Variants in TET2 observed in about 807,000 individuals in gnomAD.
TET2 encodes tet methylcytosine dioxygenase 2, also known as methylcytosine dioxygenase TET2.
A neutral mutation model predicts 142.9 loss-of-function variants in TET2; 299 were observed. That is an observed-to-expected ratio of 2.09 (90% CI 1.90 to 2.30). The LOEUF is 2.30. TET2 is among the 30% of genes most tolerant of loss of function. TET2 has a pLI of 0.00. For synonymous variants in TET2, 819 were observed against 849.0 expected, an observed-to-expected ratio of 0.96 and a Z score of 0.61; for missense variants, 2,418 against 2,378.0, an observed-to-expected ratio of 1.02 and a Z score of -0.35.
chr4:105,270,881 G>GAATTAA (rs1228774542), intron 9 of TET2, among the ~76,000 whole-genome samples: 1 of 152,110 alleles, frequency 6.6e-6, no homozygotes, highest in Non-Finnish European at 1.5e-5. Flanking sequence ...CAGATATCAG[G>GAATTAA]AATTAAAGTC....
At chr4:105,263,984 A>G (rs989496491) in intron 8 of TET2, among the ~76,000 whole-genome samples, 1 of 152,142 alleles carries the variant, frequency 6.6e-6, no homozygotes, top group Non-Finnish European at 1.5e-5. Context: ...CATTTACTTG[A>G]TAATATTAAA....
At chr4:105,197,625 A>G (rs1726170415) in intron 2 of TET2, among the ~76,000 whole-genome samples, 1 of 152,216 alleles carries the variant, frequency 6.6e-6, no homozygotes, top group African/African-American at 2.4e-5. Flanking sequence ...AAAGACTTCT[A>G]AGCTTTAGGT....
chr4:105,241,701 G>A (rs1343674416), intron 4 of TET2: 1 of 1,274,206 alleles, frequency 7.8e-7, no homozygotes, highest in Non-Finnish European at 1.0e-6. Flanking sequence ...GGCCAGCCAG[G>A]CTGCCAGCCA....
At position 105,235,532 on chromosome 4, in the gene TET2, G is replaced by A. The variant is rs1401545720; in HGVS notation, c.1590G>A (p.Gln530=). 4 of 1,614,040 alleles carry A rather than the reference G, an allele frequency of 2.5e-6. No homozygotes were observed. In the Admixed American group the frequency reaches 5.0e-5, roughly 20 times the overall value. ...GTGGAGAGCTACAGGACAACTGCCA[G>A]CAGTTGATGAGAAACAAAGAGCAAG... ...GSSGELQDNC[Q]QLMRNKEQEI... is the part of the protein sequence containing the mutation. The change falls in exon 3 of 11, where the codon CAG becomes CAA. Residue 530 remains glutamine (Q), a synonymous_variant. Coordinates refer to ENST00000380013, the MANE Select transcript of TET2 (RefSeq NM_001127208.3).
chr4:105,246,331 T>C (rs1729581941), intron 6 of TET2, among the ~76,000 whole-genome samples: 1 of 152,262 alleles, frequency 6.6e-6, no homozygotes, highest in African/African-American at 2.4e-5. Flanking sequence ...TGAAAAATAG[T>C]TGGACCAGAG....
chr4:105,237,817 T>C (rs1279537982), intron 3 of TET2: 35 of 1,111,472 alleles, frequency 3.1e-5, no homozygotes, highest in Non-Finnish European at 3.7e-5. Context: ...AGGGAAATTA[T>C]TATCTTCAGT....
intron 3 of TET2, chr4:105,241,071 A>ATTTG: frequency 9.3e-7 from 1 of 1,080,432 alleles, no homozygotes; most frequent in South Asian, 4.2e-5. Flanking sequence ...TTCTTTGTTT[A>ATTTG]GTTTCATTTA....
chr4:105,204,232 TATACACACACACACAC>T (rs1726668371), intron 2 of TET2, among the ~76,000 whole-genome samples: 1 of 107,708 alleles, frequency 9.3e-6, no homozygotes, highest in Non-Finnish European at 1.9e-5. Flanking sequence ...AAAAAAAATA[TATACACACACACACAC>T]ACACACACAC....
chr4:105,278,745 A>C lies in TET2; in HGVS notation c.*2226A>C, dbSNP rs1731331790. 2 of 232,866 alleles carry C rather than the reference A, an allele frequency of 8.6e-6. No homozygotes were observed. Among genetic ancestry groups the C allele is most frequent in the African/African-American group, 4.4e-5 (2 of 45,294 alleles). 14.4% of individuals were successfully genotyped at this position (232,866 alleles called of 1,614,324 possible). A position where few individuals can be genotyped will look rare whatever the true frequency, so the allele number is the denominator to read the frequency against. On this transcript the variant is annotated 3_prime_UTR_variant, in exon 11 of 11. Coordinates refer to ENST00000380013, the MANE Select transcript of TET2 (RefSeq NM_001127208.3). ...CAAGCAGGAAAAAAAAATTACATGA[A>C]AATAGAATGCACTGAGTTGATAAAG...
chr4:105,166,852 T>C (rs1011630125), intron 1 of TET2, among the ~76,000 whole-genome samples: 2 of 152,080 alleles, frequency 1.3e-5, no homozygotes, highest in African/African-American at 4.8e-5. Flanking sequence ...ATAACTTTTT[T>C]CCCTATTCAT....
chr4:105,161,104 T>G (rs1288865298), intron 1 of TET2, among the ~76,000 whole-genome samples: 1 of 152,208 alleles, frequency 6.6e-6, no homozygotes, highest in Non-Finnish European at 1.5e-5. Context: ...TCTGGAATAA[T>G]TTAAATATTA....
chr4:105,272,821 C>T lies in TET2; in HGVS notation c.4440C>T (p.Ser1480=), dbSNP rs1171072287. ...AGAAAGCTGCAGCTGAAAAGCTTTC[C>T]TCCCTGGAGAACAGCTCAAATAAAA... is the stretch of plus-strand genomic sequence containing the variant. ...EAKKAAAEKL[S]SLENSSNKNE... The change falls in exon 10 of 11, where the codon TCC becomes TCT. Residue 1480 remains serine, a synonymous_variant. Coordinates refer to ENST00000380013, the MANE Select transcript of TET2 (RefSeq NM_001127208.3). The T allele has an allele frequency of 6.4e-7, 1 of 1,551,520 alleles. No homozygotes were observed. Among genetic ancestry groups the T allele is most frequent in the Non-Finnish European group, 8.7e-7 (1 of 1,146,972 alleles).
At chr4:105,217,377 A>C (rs994067751) in intron 2 of TET2, among the ~76,000 whole-genome samples, 1 of 152,058 alleles carries the variant, frequency 6.6e-6, no homozygotes, top group African/African-American at 2.4e-5. Context: ...AGAACTCTAC[A>C]TCTGAGTGGT....
chr4:105,211,277 C>T (rs897778852), intron 2 of TET2, among the ~76,000 whole-genome samples: 3 of 152,190 alleles, frequency 2.0e-5, no homozygotes, highest in Admixed American at 6.6e-5. Context: ...TTTATCTCAT[C>T]ACTCAGATTT....
chr4:105,234,804 C>G lies in TET2; in HGVS notation c.862C>G (p.Pro288Ala), dbSNP rs760095408. The G allele has an allele frequency of 6.2e-6, 10 of 1,613,876 alleles. No homozygotes were observed. The highest frequency in any genetic ancestry group is 8.5e-6 in the Non-Finnish European group (10 of 1,179,920). ...CTCTAACTCTGAGCTGCCTCCAAAG[C>G]CAGCTGCAGTGGTGAGTGAGGCCTG... ...QTSNSELPPK[P>A]AAVVSEACDA... is the part of the protein sequence containing the mutation. Residue 288 changes from proline (P) to alanine (A), a missense_variant, in exon 3 of 11, where the codon CCA (proline) becomes GCA (alanine). Physicochemically the swap from Pro to Ala is conservative, Grantham distance 27. Transcript: ENST00000380013.
At position 105,259,749 on chromosome 4, in the gene TET2, C is replaced by T. The variant is rs1730330340; in HGVS notation, c.3934C>T (p.Leu1312Phe). ...CAAGATCCCAAGGAAGTTTAAGCTG[C>T]TTGGGGATGACCCAAAAGAGGTTTG... ...RSKIPRKFKLLGDDPKEEEKL... is the reference protein window; with the variant it reads ...RSKIPRKFKLFGDDPKEEEKL... The change falls in exon 7 of 11, where the codon CTT becomes TTT. Residue 1312 changes from leucine to phenylalanine, a missense_variant. Coordinates refer to ENST00000380013, the MANE Select transcript of TET2 (RefSeq NM_001127208.3). 6.4e-7 allele frequency: 1 copy of T among 1,550,794 alleles called. No homozygotes were observed. The highest frequency in any genetic ancestry group is 8.7e-7 in the Non-Finnish European group (1 of 1,146,388).
chr4:105,155,402 C>G (rs893102476), intron 1 of TET2, among the ~76,000 whole-genome samples: 4 of 152,202 alleles, frequency 2.6e-5, no homozygotes, highest in Non-Finnish European at 5.9e-5. Flanking sequence ...GATGATGGCT[C>G]TCCATCTTTG....
At chr4:105,239,074 G>GTTTTTTTTTTTTTTTTT (rs372909927) in intron 3 of TET2, 4 of 204,180 alleles carry the variant, frequency 2.0e-5, no homozygotes, top group African/African-American at 7.2e-5. Flanking sequence ...TTTGTTTTTT[G>GTTTTTTTTTTTTTTTTT]TTTTTTTTTT....
At position 105,276,286 on chromosome 4, in the gene TET2, C is replaced by A. The variant is rs1452689450; in HGVS notation, c.5776C>A (p.Arg1926Ser). ...GGAAGCCAAAATGGCTGAAAAAGCC[C>A]GTGAGAAAGAGGAAGAGTGTGAAAA... ...LWEAKMAEKA[R>S]EKEEECEKYG... The change falls in exon 11 of 11, where the codon CGT becomes AGT. Residue 1926 changes from arginine (R) to serine (S), a missense_variant. By Grantham distance (110) the Arg-to-Ser change is moderately radical. Coordinates refer to ENST00000380013, the MANE Select transcript of TET2 (RefSeq NM_001127208.3). 1.3e-6 allele frequency: 2 copies of A among 1,551,390 alleles called. No individual in the cohort carries two copies. Among genetic ancestry groups the A allele is most frequent in the Non-Finnish European group, 1.7e-6 (2 of 1,146,958 alleles).
Sources: gnomAD v4.1 joint callset for allele counts (sites outside exome capture counted in the v4.1 genomes callset) on GRCh38, gnomAD v4.1.1 for gene constraint, MANE v1.5 for transcripts, NCBI Gene and HGNC (gene_info 2026-07-23, HGNC 2026-07-21) for gene names.